TDRD7: variants seen among roughly 807,000 people sequenced by gnomAD.
TDRD7 encodes the protein tudor domain containing 7.
Under a neutral mutation model 109.8 loss-of-function variants are expected in TDRD7, and 47 were observed. The observed-to-expected ratio is 0.43, with a 90% CI of 0.34 to 0.55. The LOEUF (loss-of-function observed/expected upper bound fraction) is 0.55, where lower values mean the gene tolerates loss of function less well. TDRD7 is among the 20% of genes least tolerant of loss of function. The probability of loss-of-function intolerance (pLI) is 0.03; values close to 1 mark genes in which losing one functional copy is unlikely to be tolerated. For synonymous variants in TDRD7, 424 were observed against 457.3 expected (o/e 0.93, Z 0.93); for missense variants, 1,164 against 1,319.2 (o/e 0.88, Z 1.82).
Position 97,460,596 on chromosome 9 carries a change from A to T in TDRD7, c.1274A>T (p.Asp425Val). The T allele has an allele frequency of 6.2e-7, 1 of 1,614,212 alleles. No individual in the cohort carries two copies. Among genetic ancestry groups the T allele is most frequent in the Non-Finnish European group, 8.5e-7 (1 of 1,180,038 alleles). The change falls in exon 7 of 17, where the codon GAT becomes GTT. Residue 425 changes from aspartate (D) to valine (V), a missense_variant. Transcript: ENST00000355295. ...KDAGQAHGDN[D>V]IKAMVEQEYL... is the part of the protein sequence containing the mutation. The stretch of plus-strand genomic sequence containing the variant: ...GCAGGGCAAGCACATGGTGATAATG[A>T]TATCAAGGCTATGGTTGAACAAGAG...
chr9:97,471,095 G>A (rs1421805340), intron 9 of TDRD7, among the ~76,000 whole-genome samples: 1 of 152,086 alleles, frequency 6.6e-6, no homozygotes, highest in Non-Finnish European at 1.5e-5. Flanking sequence ...CCCAAGCATG[G>A]GTTTGATCAC....
chr9:97,473,445 T>G lies in TDRD7; in HGVS notation c.1945-47T>G, dbSNP rs41281940. 43,688 of 1,612,426 alleles carry G rather than the reference T, an allele frequency of 0.027. 729 individuals carry two copies. Among genetic ancestry groups the G allele is most frequent in the Non-Finnish European group, 0.031 (37,015 of 1,178,866 alleles). ...AGATACCCTTTAGGTAGGTAAGAGC[T>G]GCATTCTGCTCTCAAGCATTCACGA... On this transcript the variant is annotated intron_variant, in intron 10 of 16. Transcript: ENST00000355295.
chr9:97,451,292 A>T (rs1828486552), intron 6 of TDRD7, among the ~76,000 whole-genome samples: 1 of 151,698 alleles, frequency 6.6e-6, no homozygotes, highest in Admixed American at 6.6e-5. Flanking sequence ...ATACACACAC[A>T]CACGTGTATT....
chr9:97,447,674 C>G lies in TDRD7; in HGVS notation c.855+5799C>G, dbSNP rs1349758978. Among the ~76,000 whole-genome samples, 5 of 152,166 alleles carry G rather than the reference C, an allele frequency of 3.3e-5. No individual in the cohort carries two copies. The South Asian group carries it at 1.0e-3, about 32-fold the overall frequency. On this transcript the variant is annotated intron_variant, in intron 6 of 16. Transcript: ENST00000355295. ...ACGTTTTAACAATCCATGAATGGATCCCAGTCCCCCTACCCTCCCTGCACC... is the reference window on the plus strand; with the variant it reads ...ACGTTTTAACAATCCATGAATGGATGCCAGTCCCCCTACCCTCCCTGCACC...
chr9:97,445,665 G>A (rs1487597551), intron 6 of TDRD7, among the ~76,000 whole-genome samples: 1 of 152,178 alleles, frequency 6.6e-6, no homozygotes, highest in Admixed American at 6.5e-5. Flanking sequence ...TTTTCAGGAA[G>A]CTGAAAGAAA....
intron 11 of TDRD7, among the ~76,000 whole-genome samples, chr9:97,474,704 A>T (rs754025234): frequency 6.6e-6 from 1 of 152,174 alleles, no homozygotes; most frequent in Admixed American, 6.5e-5. Context: ...ATTTGTATGG[A>T]TGTTGTCCTT....
At chr9:97,465,792 CTGCT>C (rs1828813579) in intron 8 of TDRD7, among the ~76,000 whole-genome samples, 1 of 151,974 alleles carries the variant, frequency 6.6e-6, no homozygotes, top group African/African-American at 2.4e-5. Flanking sequence ...AATAATGGGC[CTGCT>C]ACTTGATAGA....
chr9:97,456,144 A>G (rs959823059), intron 6 of TDRD7, among the ~76,000 whole-genome samples: 1 of 152,210 alleles, frequency 6.6e-6, no homozygotes, highest in African/African-American at 2.4e-5. Flanking sequence ...TTCAAAGACA[A>G]CTACAAACCA....
chr9:97,469,668 T>C (rs1828879169), intron 8 of TDRD7, among the ~76,000 whole-genome samples: 1 of 152,248 alleles, frequency 6.6e-6, no homozygotes, highest in South Asian at 2.1e-4. Flanking sequence ...TAATTAGAGA[T>C]GCATATTAGG....
rs775607087 is a variant in TDRD7 at position 97,473,626 on chromosome 9, G to A, written c.2079G>A (p.Lys693=). The change falls in exon 11 of 17, where the codon AAG becomes AAA. Residue 693 remains lysine (K), a splice_region_variant and synonymous_variant. Transcript: ENST00000355295. Reference sequence around the variant, plus strand: ...AGATAGAGGACTACTTCCATTGCAAGGTATAGCAGAACCTCTTCTACCTCT... The same window carrying A: ...AGATAGAGGACTACTTCCATTGCAAAGTATAGCAGAACCTCTTCTACCTCT... The part of the protein sequence containing the change: ...LRKIEDYFHC[K]HMTSECFVSL... 1 of 1,613,558 alleles carries A rather than the reference G, an allele frequency of 6.2e-7. No homozygotes were observed. Among genetic ancestry groups the A allele is most frequent in the South Asian group, 1.1e-5 (1 of 91,064 alleles).
At chr9:97,416,179 T>A (rs548909001) in intron 1 of TDRD7, among the ~76,000 whole-genome samples, 5 of 152,310 alleles carry the variant, frequency 3.3e-5, no homozygotes, top group African/African-American at 1.2e-4. Context: ...AAAAAGTTGT[T>A]TGCAAATAGA....
chr9:97,472,628 T>A, intron 10 of TDRD7, 133 bp downstream of exon 10: 1 of 796,790 alleles, frequency 1.3e-6, no homozygotes, highest in Non-Finnish European at 2.1e-6. Context: ...AAGGAGGGAG[T>A]GGGGCTAGAA....
Position 97,412,413 on chromosome 9 carries a change from C to T in TDRD7, c.-7+175C>T, listed in dbSNP as rs1587852527. Among the ~76,000 whole-genome samples the T allele has an allele frequency of 6.6e-6, 1 of 152,298 alleles. No individual in the cohort carries two copies. The highest frequency in any genetic ancestry group is 1.9e-4 in the East Asian group (1 of 5,160). ...CAGGGGATTGCCCCCGCCCCGACGCCTGGGAACCGGGCTGGGCGCCGGGGG... is the reference window on the plus strand; with the variant it reads ...CAGGGGATTGCCCCCGCCCCGACGCTTGGGAACCGGGCTGGGCGCCGGGGG... On this transcript the variant is annotated intron_variant, in intron 1 of 16. Transcript: ENST00000355295. The surrounding 1 kb of genome is among the most constrained non-coding windows in gnomAD (Gnocchi z 4.3).
At chr9:97,457,485 T>A (rs1481772681) in intron 6 of TDRD7, among the ~76,000 whole-genome samples, 1 of 152,082 alleles carries the variant, frequency 6.6e-6, no homozygotes, top group Non-Finnish European at 1.5e-5. Flanking sequence ...TTCAAGTGAT[T>A]CTCTTGCATC....
chr9:97,488,328 C>T (rs2131183491), intron 16 of TDRD7, among the ~76,000 whole-genome samples: 1 of 152,288 alleles, frequency 6.6e-6, no homozygotes, highest in African/African-American at 2.4e-5. Context: ...GATGTGATGT[C>T]AGCAATGAAA....
intron 16 of TDRD7, among the ~76,000 whole-genome samples, chr9:97,492,167 T>C (rs964987285): frequency 6.6e-6 from 1 of 152,180 alleles, no homozygotes; most frequent in African/African-American, 2.4e-5. Flanking sequence ...TAGTTGTTGA[T>C]TTTCTGTTTG....
At chr9:97,476,145 A>G (rs997925541) in intron 12 of TDRD7, among the ~76,000 whole-genome samples, 2 of 152,046 alleles carry the variant, frequency 1.3e-5, no homozygotes, top group African/African-American at 4.8e-5. Flanking sequence ...TTGCTCTCCA[A>G]AGTTGCCTTC....
In TDRD7 at chr9:97,441,725, T is replaced by C. The variant is rs747157927; in HGVS notation, c.705T>C (p.Asp235=). 1 of 1,613,750 alleles carries C rather than the reference T, an allele frequency of 6.2e-7. No individual in the cohort carries two copies. The highest frequency in any genetic ancestry group is 8.5e-7 in the Non-Finnish European group (1 of 1,179,894). ...CTGCCTCTTACACTTATAAAATGGATGAGGTTCAAAATCGCATAAAGGAAA... is the reference window on the plus strand; with the variant it reads ...CTGCCTCTTACACTTATAAAATGGACGAGGTTCAAAATCGCATAAAGGAAA... ...KPPASYTYKM[D]EVQNRIKEIL... The change falls in exon 6 of 17, where the codon GAT becomes GAC. Residue 235 remains aspartate (D), a synonymous_variant. Coordinates refer to ENST00000355295, the MANE Select transcript of TDRD7 (RefSeq NM_014290.3).
chr9:97,488,254 T>C (rs1829245016), intron 16 of TDRD7, among the ~76,000 whole-genome samples: 1 of 152,206 alleles, frequency 6.6e-6, no homozygotes, highest in Non-Finnish European at 1.5e-5. Flanking sequence ...GCCTCCCTGA[T>C]CACTTTGCTG....
Sources: gnomAD v4.1 joint callset for allele counts (sites outside exome capture counted in the v4.1 genomes callset) on GRCh38, gnomAD v4.1.1 for gene constraint, Gnocchi (gnomAD v3.1) non-coding constraint, MANE v1.5 for transcripts, NCBI Gene and HGNC (gene_info 2026-07-23, HGNC 2026-07-21) for gene names.